The following CUL5 variants were observed in gnomAD, a reference collection of about 807,000 sequenced individuals.
CUL5 encodes cullin-5.
CUL5 carries 26 observed loss-of-function variants against 108.8 expected under a neutral mutation model. That is an observed-to-expected ratio of 0.24 (90% CI 0.18 to 0.33). The LOEUF (loss-of-function observed/expected upper bound fraction) is 0.33. Among genes scored for constraint, CUL5 ranks in the 10% least tolerant of loss-of-function variants. The probability of loss-of-function intolerance (pLI) is 1.00; values close to 1 mark genes in which losing one functional copy is unlikely to be tolerated. For missense variants in CUL5, 524 were observed against 909.2 expected (o/e 0.58, Z 5.45); for synonymous variants, 334 against 298.0 (o/e 1.12, Z -1.25).
Position 108,073,429 on chromosome 11 carries a change from A to G in CUL5, c.1045A>G (p.Asn349Asp). Residue 349 changes from asparagine (N) to aspartate (D), a missense_variant, in exon 10 of 19, where the codon AAT becomes GAT. Coordinates refer to ENST00000393094, the MANE Select transcript of CUL5 (RefSeq NM_003478.6). ...KYVEQLLTLF[N>D]RFSKLVKEAF... ...CGTTGAGCAGTTACTTACACTATTT[A>G]ATAGATTTAGTAAACTCGTCAAAGA... 1 of 1,593,584 alleles carries G rather than the reference A, an allele frequency of 6.3e-7. No homozygotes were observed. The highest frequency in any genetic ancestry group is 8.6e-7 in the Non-Finnish European group (1 of 1,168,394).
chr11:108,048,612 C>T (rs950867274), intron 3 of CUL5, among the ~76,000 whole-genome samples: 4 of 148,868 alleles, frequency 2.7e-5, no homozygotes, highest in African/African-American at 7.5e-5. Flanking sequence ...ACAGGACCAG[C>T]CCAAACTCTA....
At chr11:108,012,746 G>T (rs760605724) in intron 1 of CUL5, among the ~76,000 whole-genome samples, 2 of 151,814 alleles carry the variant, frequency 1.3e-5, no homozygotes, top group African/African-American at 2.4e-5. Flanking sequence ...ACAGGCACAC[G>T]CCACCACACC....
chr11:108,102,002 A>G (rs1312368723), intron 18 of CUL5, among the ~76,000 whole-genome samples: 1 of 152,092 alleles, frequency 6.6e-6, no homozygotes, highest in African/African-American at 2.4e-5. Context: ...TGGTGTCATC[A>G]TATCTTTTAT....
chr11:108,064,816 ATG>A (rs997722573), intron 7 of CUL5, among the ~76,000 whole-genome samples: 5 of 152,116 alleles, frequency 3.3e-5, no homozygotes, highest in African/African-American at 9.7e-5. Flanking sequence ...TCTTTTTAAA[ATG>A]TGTCTTTGTC....
chr11:108,032,762 A>T (rs1405765592), intron 1 of CUL5, among the ~76,000 whole-genome samples: 1 of 152,048 alleles, frequency 6.6e-6, no homozygotes, highest in Admixed American at 6.6e-5. Context: ...CTCTGGTAAG[A>T]TTGGCCTGGA....
chr11:108,026,966 AAGAC>A (rs1458995370), intron 1 of CUL5, among the ~76,000 whole-genome samples: 3 of 148,848 alleles, frequency 2.0e-5, no homozygotes, highest in Admixed American at 6.7e-5. Flanking sequence ...TCCAGCCTGA[AAGAC>A]AGAGTGAGAC....
chr11:108,033,653 C>T lies in CUL5; in HGVS notation c.25-149C>T, dbSNP rs2290294. The T allele has an allele frequency of 0.023, 12,874 of 564,170 alleles. 1,121 individuals carry two copies. The East Asian group carries it at 0.24, about 11-fold the overall frequency. 34.9% of individuals were successfully genotyped at this position (564,170 alleles called of 1,614,324 possible). Reference sequence around the variant, plus strand: ...TTGTCTTCCTGTGATTCCTCAATAACGGATTAAGCCTGTAGGGATTCCATT... The same window carrying T: ...TTGTCTTCCTGTGATTCCTCAATAATGGATTAAGCCTGTAGGGATTCCATT... On this transcript the variant is annotated intron_variant, in intron 1 of 18. Coordinates refer to ENST00000393094, the MANE Select transcript of CUL5 (RefSeq NM_003478.6).
Position 108,033,799 on chromosome 11 carries a change from A to G in CUL5, c.25-3A>G. ...ACTCCCTTTTATCTTTTTTTTTTTC[A>G]AGAATAAAGGTTCTCTTCAGTTTGA... On this transcript the variant is annotated splice_region_variant and splice_polypyrimidine_tract_variant and intron_variant, in intron 1 of 18. Transcript: ENST00000393094. 1.3e-6 allele frequency: 2 copies of G among 1,541,022 alleles called. No homozygotes were observed. The highest frequency in any genetic ancestry group is 2.3e-5 in the East Asian group (1 of 44,368).
chr11:108,021,428 A>T (rs1231683543), intron 1 of CUL5, among the ~76,000 whole-genome samples: 1 of 152,184 alleles, frequency 6.6e-6, no homozygotes, highest in Non-Finnish European at 1.5e-5. Flanking sequence ...CCTAAGCAAG[A>T]TGTAGCAAGA....
In CUL5 at chr11:108,039,089, C is replaced by T. The variant is rs981899159; in HGVS notation, c.134+5178C>T. 7.2e-5 allele frequency among the ~76,000 whole-genome samples: 11 copies of T among 151,916 alleles called. 1 individual carries two copies. The South Asian group carries it at 1.0e-3, about 14-fold the overall frequency. On this transcript the variant is annotated intron_variant, in intron 2 of 18. Coordinates refer to ENST00000393094, the MANE Select transcript of CUL5 (RefSeq NM_003478.6). ...AGGCTGGAGTGCAATGGCGCAATCTCGGCTCACTGCAACCTCTGCCTCCCA... is the reference window on the plus strand; with the variant it reads ...AGGCTGGAGTGCAATGGCGCAATCTTGGCTCACTGCAACCTCTGCCTCCCA...
intron 3 of CUL5, among the ~76,000 whole-genome samples, chr11:108,047,679 A>G (rs986582134): frequency 6.6e-6 from 1 of 152,234 alleles, no homozygotes; most frequent in Admixed American, 6.5e-5. Context: ...GTTATCTTTT[A>G]ATGAAAATCT....
At chr11:108,055,087 T>C (rs1017387042) in intron 7 of CUL5, 132 bp downstream of exon 7, 3 of 707,734 alleles carry the variant, frequency 4.2e-6, no homozygotes, top group Non-Finnish European at 7.0e-6. Flanking sequence ...TTTTTGCCTA[T>C]GAGCCATAGC....
intron 13 of CUL5, among the ~76,000 whole-genome samples, chr11:108,089,916 G>A (rs1034816654): frequency 1.2e-4 from 18 of 151,902 alleles, no homozygotes; most frequent in Non-Finnish European, 2.2e-4. Context: ...GGTGCACTCC[G>A]GTAATTCCAG....
intron 3 of CUL5, 29 bp from the exon 4 acceptor site, chr11:108,049,861 T>G: frequency 1.3e-6 from 2 of 1,572,088 alleles, no homozygotes; most frequent in African/African-American, 2.7e-5. Context: ...ACTGCATTTA[T>G]TTCAAATTGG....
chr11:108,035,591 A>T (rs1565239092), intron 2 of CUL5, among the ~76,000 whole-genome samples: 2 of 147,546 alleles, frequency 1.4e-5, no homozygotes, highest in African/African-American at 2.5e-5. Flanking sequence ...AAAAAAAAAA[A>T]TTATCTGGGT....
chr11:108,020,681 C>T lies in CUL5; in HGVS notation c.24+11309C>T, dbSNP rs184351751. On this transcript the variant is annotated intron_variant, in intron 1 of 18. Transcript: ENST00000393094. The stretch of plus-strand genomic sequence containing the variant: ...AGAGGCGTGAGCCACTGTGCCTGGC[C>T]TTGTGTTTGTGTTTCACGATAAGTG... 7.9e-5 allele frequency among the ~76,000 whole-genome samples: 12 copies of T among 152,030 alleles called. No homozygotes were observed. In the East Asian group the frequency reaches 1.9e-3, roughly 24 times the overall value.
chr11:108,032,068 C>A (rs1169326860), intron 1 of CUL5, among the ~76,000 whole-genome samples: 2 of 152,098 alleles, frequency 1.3e-5, no homozygotes, highest in Non-Finnish European at 2.9e-5. Context: ...TAACTAATTG[C>A]TTAATCCTGG....
intron 3 of CUL5, among the ~76,000 whole-genome samples, chr11:108,047,558 A>G (rs1204933323): frequency 6.6e-6 from 1 of 152,224 alleles, no homozygotes; most frequent in Non-Finnish European, 1.5e-5. Context: ...TAATTTTGCT[A>G]GTAGCCACTA....
At chr11:108,054,053 C>A (rs1488047412) in intron 5 of CUL5, among the ~76,000 whole-genome samples, 1 of 152,100 alleles carries the variant, frequency 6.6e-6, no homozygotes. Flanking sequence ...GCCATAGTGG[C>A]CAGGCTGGTC....
Sources: gnomAD v4.1 joint callset for allele counts (sites outside exome capture counted in the v4.1 genomes callset) on GRCh38, gnomAD v4.1.1 for gene constraint, MANE v1.5 for transcripts, NCBI Gene and HGNC (gene_info 2026-07-23, HGNC 2026-07-21) for gene names.